Variants in RPA1 observed in about 807,000 individuals in gnomAD.
RPA1 encodes replication protein A 70 kDa DNA-binding subunit.
In RPA1, 49 loss-of-function variants were observed where a neutral mutation model predicts 83.0. The ratio of observed to expected loss-of-function variants is 0.59; its 90% CI spans 0.47 to 0.75. RPA1 has a LOEUF of 0.75. Ranked by LOEUF, RPA1 falls within the 30% of genes least tolerant of loss-of-function variation. The probability of loss-of-function intolerance (pLI) is 0.00; values close to 1 mark genes in which losing one functional copy is unlikely to be tolerated. For missense variants in RPA1, 693 were observed against 776.1 expected (o/e 0.89, Z 1.27); for synonymous variants, 279 against 281.8 (o/e 0.99, Z 0.10).
At chr17:1,844,864 C>A (rs543516547) in intron 4 of RPA1, among the ~76,000 whole-genome samples, 178 bp downstream of exon 4, 11 of 152,136 alleles carry the variant, frequency 7.2e-5, no homozygotes, top group Non-Finnish European at 1.6e-4. Flanking sequence ...AATTTCAGAG[C>A]AGAAGATTAA....
chr17:1,860,607 C>T (rs954879465), intron 5 of RPA1, among the ~76,000 whole-genome samples: 6 of 152,082 alleles, frequency 3.9e-5, no homozygotes, highest in Admixed American at 1.3e-4. Flanking sequence ...ATCTACATCT[C>T]TGCTTAATTT....
At chr17:1,834,004 A>T (rs542799611) in intron 1 of RPA1, among the ~76,000 whole-genome samples, 4 of 152,272 alleles carry the variant, frequency 2.6e-5, no homozygotes, top group African/African-American at 9.6e-5. Context: ...CAACATGGGG[A>T]AACCCTGGTC....
At chr17:1,868,228 G>A (rs111514993) in intron 5 of RPA1, among the ~76,000 whole-genome samples, 2 of 152,156 alleles carry the variant, frequency 1.3e-5, no homozygotes, top group Non-Finnish European at 2.9e-5. Context: ...ACTTACTCTC[G>A]AATTTCGTTG....
At position 1,844,677 on chromosome 17, in the gene RPA1, A is replaced by G. The variant is rs1187542931; in HGVS notation, c.263A>G (p.Lys88Arg). Residue 88 changes from lysine (K) to arginine (R), a missense_variant, in exon 4 of 17, where the codon AAA becomes AGA. Transcript: ENST00000254719. Reference protein sequence around the residue: ...QIHRFIVNTLKDGRRVVILME... With the variant: ...QIHRFIVNTLRDGRRVVILME... ...CACAGATTTATTGTGAACACTCTGA[A>G]AGACGGAAGGTATGTGCTGTGTTTT... is the stretch of plus-strand genomic sequence containing the variant. 5 of 1,612,002 alleles carry G rather than the reference A, an allele frequency of 3.1e-6. No homozygotes were observed. The highest frequency in any genetic ancestry group is 3.4e-6 in the Non-Finnish European group (4 of 1,178,478).
chr17:1,846,388 G>C (rs1243326910), intron 4 of RPA1, among the ~76,000 whole-genome samples: 1 of 149,098 alleles, frequency 6.7e-6, no homozygotes, highest in Non-Finnish European at 1.5e-5. Context: ...CACCATCAGG[G>C]CTCACTGTAG....
In RPA1 at chr17:1,884,023, A is replaced by G; in HGVS notation, c.1374+79A>G. 6.3e-7 allele frequency: 1 copy of G among 1,577,614 alleles called. No homozygotes were observed. The highest frequency in any genetic ancestry group is 8.6e-7 in the Non-Finnish European group (1 of 1,156,504). ...TGGATTTAGAAACTTGGTTTCCAGC[A>G]CCAGCTGTCAGAGCCGTAATTCTTA... On this transcript the variant is annotated intron_variant, in intron 13 of 16. Coordinates refer to ENST00000254719, the MANE Select transcript of RPA1 (RefSeq NM_002945.5). This position sits in a 1 kb window ranked among gnomAD's most constrained non-coding sequence, Gnocchi z 4.1.
In RPA1 at chr17:1,875,646, C is replaced by T. The variant is rs17292070; in HGVS notation, c.455-15C>T. On this transcript the variant is annotated splice_polypyrimidine_tract_variant and intron_variant, in intron 6 of 16. Transcript: ENST00000254719. Reference sequence around the variant, plus strand: ...AATAGTAATAACTCCTTTTCGTTTGCGTTTGTTTTTAAAGGTTCTACTGTT... The same window carrying T: ...AATAGTAATAACTCCTTTTCGTTTGTGTTTGTTTTTAAAGGTTCTACTGTT... 613 of 1,604,102 alleles carry T rather than the reference C, an allele frequency of 3.8e-4. No homozygotes were observed. Among genetic ancestry groups the T allele is most frequent in the Non-Finnish European group, 4.9e-4 (580 of 1,176,300 alleles).
intron 6 of RPA1, among the ~76,000 whole-genome samples, chr17:1,873,992 C>CAAAAAAAA (rs71150832): frequency 9.9e-4 from 45 of 45,406 alleles, no homozygotes; most frequent in African/African-American, 6.5e-3. Flanking sequence ...GACTCTGTCT[C>CAAAAAAAA]AAAAAAAAAA....
In RPA1 at chr17:1,899,481, TA is replaced by T. The variant is rs899778113; in HGVS notation, c.*2310del. ...ATTGTGAAAGGGGCAGGGAAAAAAATAAAAGGGTAATAATCTGATTTCTGTC... is the reference window on the plus strand; with the variant it reads ...ATTGTGAAAGGGGCAGGGAAAAAAATAAAGGGTAATAATCTGATTTCTGTC... On this transcript the variant is annotated 3_prime_UTR_variant, in exon 17 of 17. Coordinates refer to ENST00000254719, the MANE Select transcript of RPA1 (RefSeq NM_002945.5). 6.6e-6 allele frequency: 1 copy of T among 152,070 alleles called. No individual in the cohort carries two copies. Among genetic ancestry groups the T allele is most frequent in the African/African-American group, 2.4e-5 (1 of 41,404 alleles). The allele number at this position is 152,070 out of a possible 1,614,324, so 9.4% of individuals were successfully genotyped here.
intron 16 of RPA1, 42 bp downstream of exon 16, chr17:1,895,137 G>GACAAACAGCACCT: frequency 1.3e-6 from 2 of 1,514,782 alleles, no homozygotes; most frequent in Non-Finnish European, 1.8e-6. Flanking sequence ...GTGGGGAGGT[G>GACAAACAGCACCT]CTGTTTGTCA....
intron 1 of RPA1, among the ~76,000 whole-genome samples, chr17:1,834,557 A>G (rs999818948): frequency 6.6e-6 from 1 of 152,216 alleles, no homozygotes; most frequent in Admixed American, 6.5e-5. Flanking sequence ...AATACCACAC[A>G]CATGTGAAGG....
intron 13 of RPA1, among the ~76,000 whole-genome samples, chr17:1,886,679 G>A (rs1404293593): frequency 2.0e-5 from 3 of 150,054 alleles, no homozygotes; most frequent in Non-Finnish European, 4.4e-5. Context: ...ACCAACATCT[G>A]CTGGCTGCCA....
intron 4 of RPA1, among the ~76,000 whole-genome samples, chr17:1,850,127 G>A (rs972894382): frequency 6.7e-6 from 1 of 149,832 alleles, no homozygotes; most frequent in Non-Finnish European, 1.5e-5. Context: ...AGTTGAGATC[G>A]CCCCACTGCA....
At chr17:1,853,380 A>G (rs1214839390) in intron 5 of RPA1, among the ~76,000 whole-genome samples, 191 bp downstream of exon 5, 3 of 152,200 alleles carry the variant, frequency 2.0e-5, no homozygotes, top group African/African-American at 4.8e-5. Flanking sequence ...GGGCACAATT[A>G]GAAAGCAATG....
At chr17:1,858,548 C>G in intron 5 of RPA1, 1 of 692,406 alleles carries the variant, frequency 1.4e-6, no homozygotes, top group Non-Finnish European at 2.5e-6. Context: ...ACTGCAGCCT[C>G]CGCCTCCCGG....
intron 1 of RPA1, among the ~76,000 whole-genome samples, chr17:1,840,433 C>T (rs757216778): frequency 6.6e-6 from 1 of 152,130 alleles, no homozygotes; most frequent in Non-Finnish European, 1.5e-5. Context: ...ACTACAGGCA[C>T]GTCCCACCAC....
intron 4 of RPA1, among the ~76,000 whole-genome samples, chr17:1,846,116 T>A (rs1406362345): frequency 6.6e-6 from 1 of 152,154 alleles, no homozygotes; most frequent in Admixed American, 6.6e-5. Context: ...ATAACTTTTT[T>A]CTGGACTGGC....
intron 1 of RPA1, among the ~76,000 whole-genome samples, chr17:1,835,684 C>T (rs1911791066): frequency 6.6e-6 from 1 of 152,096 alleles, no homozygotes; most frequent in South Asian, 2.1e-4. Flanking sequence ...CTTGTTCAGA[C>T]ATGTTATAAC....
At chr17:1,896,003 A>G (rs901121842) in intron 16 of RPA1, among the ~76,000 whole-genome samples, 2 of 152,120 alleles carry the variant, frequency 1.3e-5, no homozygotes, top group African/African-American at 2.4e-5. Flanking sequence ...TTATAATCAA[A>G]CAGTATTGAG....
Sources: gnomAD v4.1 joint callset for allele counts (sites outside exome capture counted in the v4.1 genomes callset) on GRCh38, gnomAD v4.1.1 for gene constraint, Gnocchi (gnomAD v3.1) non-coding constraint, MANE v1.5 for transcripts, NCBI Gene and HGNC (gene_info 2026-07-23, HGNC 2026-07-21) for gene names.